RLN2: variants seen among roughly 807,000 people sequenced by gnomAD.
The protein encoded by RLN2 is prorelaxin H2.
A neutral mutation model predicts 7.3 loss-of-function variants in RLN2; 10 were observed. That is an observed-to-expected ratio of 1.36 (90% CI 0.84 to 2.31). RLN2 has a LOEUF of 2.31. RLN2 is among the 30% of genes most tolerant of loss of function. The probability of loss-of-function intolerance (pLI) is 0.00; values close to 1 mark genes in which losing one functional copy is unlikely to be tolerated. For synonymous variants in RLN2, 103 were observed against 82.3 expected (o/e 1.25, Z -1.36); for missense variants, 298 against 217.6 (o/e 1.37, Z -2.32).
At chr9:5,312,883 A>G in the RLN2 span, among the ~76,000 whole-genome samples, 3 of 151,956 alleles carry the variant, frequency 2.0e-5, no homozygotes, top group South Asian at 2.1e-4. Context: ...ATGTTCTGCA[A>G]TTCCTTCTCC....
At chr9:5,300,553 T>A in intron 1 of RLN2, 109 bp from the exon 2 acceptor site, 1 of 706,808 alleles carries the variant, frequency 1.4e-6, no homozygotes, top group Non-Finnish European at 2.3e-6. Context: ...TCAGTATAAA[T>A]TAAACATTGA....
chr9:5,330,997 G>C, the RLN2 span, among the ~76,000 whole-genome samples: 22 of 151,884 alleles, frequency 1.4e-4, no homozygotes, highest in Admixed American at 1.3e-4. Context: ...AGAAAATCTA[G>C]AAGAAATGGA....
the RLN2 span, among the ~76,000 whole-genome samples, chr9:5,320,742 T>C: frequency 6.6e-6 from 1 of 152,112 alleles, no homozygotes; most frequent in Non-Finnish European, 1.5e-5. Context: ...TAAAGACTCT[T>C]TATATTCAGA....
In RLN2 at chr9:5,300,330, A is replaced by C; in HGVS notation, c.326T>G (p.Leu109Ter). The change falls in exon 2 of 2, where the codon TTA (leucine) becomes TGA (stop). Residue 109 changes from leucine to a stop codon, truncating the protein, a stop_gained. Transcript: ENST00000381627. LOFTEE classifies it low-confidence loss of function (END_TRUNC). ...KLTLSEMQPA[L>*]PQLQQHVPVL... is the part of the protein sequence containing the mutation. ...AGGTACATGTTGTTGTAGCTGTGGT[A>C]ATGCTGGCTGCATCTCAGACAGGGT... The C allele has an allele frequency of 1.2e-6, 2 of 1,613,964 alleles. No individual in the cohort carries two copies. Among genetic ancestry groups the C allele is most frequent in the Non-Finnish European group, 1.7e-6 (2 of 1,179,844 alleles).
At chr9:5,307,158 T>G (rs1169296274), upstream of RLN2, among the ~76,000 whole-genome samples, 1 of 151,934 alleles carries the variant, frequency 6.6e-6, no homozygotes, top group Non-Finnish European at 1.5e-5. Context: ...GGTTGGATGC[T>G]TTTTCTCACA....
the RLN2 span, among the ~76,000 whole-genome samples, chr9:5,314,997 C>T: frequency 6.6e-6 from 1 of 151,960 alleles, no homozygotes; most frequent in Admixed American, 6.6e-5. Context: ...ACTAAAGGCA[C>T]TCTCTAAAGT....
At chr9:5,304,888 A>G (rs1414849997), upstream of RLN2, 1 of 356,158 alleles carries the variant, frequency 2.8e-6, no homozygotes, top group Non-Finnish European at 5.2e-6. Flanking sequence ...CTCATTCATT[A>G]CCCTCAAACA....
chr9:5,308,138 T>C (rs1816287361), upstream of RLN2, among the ~76,000 whole-genome samples: 1 of 151,982 alleles, frequency 6.6e-6, no homozygotes, highest in African/African-American at 2.4e-5. Context: ...CCAGATGCCT[T>C]TGGAACTGCT....
chr9:5,313,326 CTTCT>C, the RLN2 span, among the ~76,000 whole-genome samples: 1 of 151,230 alleles, frequency 6.6e-6, no homozygotes, highest in Non-Finnish European at 1.5e-5. Context: ...ATATAATGAC[CTTCT>C]TTATCTCATT....
chr9:5,326,103 T>C, the RLN2 span, among the ~76,000 whole-genome samples: 1 of 152,160 alleles, frequency 6.6e-6, no homozygotes, highest in Non-Finnish European at 1.5e-5. Context: ...CTAAAATTGC[T>C]AGAAACCTTG....
At chr9:5,332,322 CATGTA>C in the RLN2 span, among the ~76,000 whole-genome samples, 228 of 151,942 alleles carry the variant, frequency 1.5e-3, 1 homozygote, top group Non-Finnish European at 2.7e-3. Flanking sequence ...ATATGAAGTG[CATGTA>C]TTACTTTTTC....
At chr9:5,318,880 AT>A in the RLN2 span, among the ~76,000 whole-genome samples, 30 of 151,912 alleles carry the variant, frequency 2.0e-4, no homozygotes, top group Non-Finnish European at 4.1e-4. Context: ...AAGAGAATAG[AT>A]TTCCGTTTTA....
At chr9:5,321,836 G>C in the RLN2 span, among the ~76,000 whole-genome samples, 2 of 152,028 alleles carry the variant, frequency 1.3e-5, no homozygotes, top group Non-Finnish European at 2.9e-5. Context: ...AAGATACAGG[G>C]AGCATTGGCT....
the RLN2 span, among the ~76,000 whole-genome samples, chr9:5,310,507 G>C: frequency 3.3e-5 from 5 of 152,052 alleles, no homozygotes; most frequent in South Asian, 8.3e-4. Context: ...TTCCTCGCTA[G>C]GGTGACAGAT....
chr9:5,309,296 G>A (rs536574034), upstream of RLN2, among the ~76,000 whole-genome samples: 1 of 152,020 alleles, frequency 6.6e-6, no homozygotes, highest in Non-Finnish European at 1.5e-5. Flanking sequence ...AGCGTTGATA[G>A]AAAATTAGTC....
At chr9:5,335,552 A>G in the RLN2 span, 2 of 1,611,484 alleles carry the variant, frequency 1.2e-6, no homozygotes, top group Non-Finnish European at 1.7e-6. Flanking sequence ...TTCCAACATG[A>G]TAATTATAGT....
chr9:5,316,856 G>C, the RLN2 span, among the ~76,000 whole-genome samples: 1 of 152,012 alleles, frequency 6.6e-6, no homozygotes. Context: ...CTAGATCCTT[G>C]AGGAGTCACC....
chr9:5,324,755 A>C, the RLN2 span, among the ~76,000 whole-genome samples: 1 of 152,094 alleles, frequency 6.6e-6, no homozygotes, highest in Non-Finnish European at 1.5e-5. Context: ...TCCTCATTGA[A>C]TAGTACAGAG....
At chr9:5,321,917 G>A in the RLN2 span, among the ~76,000 whole-genome samples, 1 of 152,020 alleles carries the variant, frequency 6.6e-6, no homozygotes, top group Non-Finnish European at 1.5e-5. Context: ...CTCTAGCTTT[G>A]AGGCAGCCCT....
Sources: gnomAD v4.1 joint callset for allele counts (sites outside exome capture counted in the v4.1 genomes callset) on GRCh38, gnomAD v4.1.1 for gene constraint, MANE v1.5 for transcripts, NCBI Gene and HGNC (gene_info 2026-07-23, HGNC 2026-07-21) for gene names.